Variants in MR1 observed in about 807,000 individuals in gnomAD.
MR1 encodes the protein major histocompatibility complex, class I-related.
A neutral mutation model predicts 37.8 loss-of-function variants in MR1; 44 were observed. That is an observed-to-expected ratio of 1.16 (90% CI 0.91 to 1.50). The LOEUF (loss-of-function observed/expected upper bound fraction) is 1.50, where lower values mean the gene tolerates loss of function less well. Among genes scored for constraint, MR1 ranks in the 40% most tolerant of loss-of-function variants. The probability of loss-of-function intolerance (pLI) is 0.00; values close to 1 mark genes in which losing one functional copy is unlikely to be tolerated. For synonymous variants in MR1, 153 were observed against 155.8 expected (o/e 0.98, Z 0.13); for missense variants, 386 against 419.1 (o/e 0.92, Z 0.69).
rs1658841167 is a variant in MR1, at chr1:181,060,285, A to C, written c.*5020A>C. The C allele has an allele frequency of 6.6e-6, 1 of 151,806 alleles. No individual in the cohort carries two copies. The highest frequency in any genetic ancestry group is 1.5e-5 in the Non-Finnish European group (1 of 67,966). 9.4% of individuals were successfully genotyped at this position (151,806 alleles called of 1,614,324 possible). On this transcript the variant is annotated 3_prime_UTR_variant, in exon 6 of 6. Coordinates refer to ENST00000367580, the MANE Select transcript of MR1 (RefSeq NM_001385161.1). Reference sequence around the variant, plus strand: ...GGACCCACTCTACTACTGCAGGATGACCTCACCTTCCCAAATTACATCTGC... The same window carrying C: ...GGACCCACTCTACTACTGCAGGATGCCCTCACCTTCCCAAATTACATCTGC...
chr1:181,052,561 G>A (rs1203949634), intron 4 of MR1, 51 bp downstream of exon 4: 6 of 1,581,434 alleles, frequency 3.8e-6, no homozygotes, highest in Admixed American at 3.4e-5. Context: ...AGAAAGGGGT[G>A]AGCAGGAAAC....
chr1:181,049,645 C>T, intron 2 of MR1: 1 of 491,608 alleles, frequency 2.0e-6, no homozygotes, highest in East Asian at 3.5e-5. Flanking sequence ...GGTAGTCAGG[C>T]CTAGTGACTT....
intron 3 of MR1, chr1:181,051,063 C>T (rs1421316250): frequency 1.3e-5 from 2 of 151,868 alleles, no homozygotes; most frequent in African/African-American, 4.8e-5. Context: ...AGTTGGTCAA[C>T]TTTTAGTTCA....
Position 181,059,210 on chromosome 1 carries a change from C to T in MR1, c.*3945C>T, listed in dbSNP as rs1658788009. The T allele has an allele frequency of 6.6e-6, 1 of 152,018 alleles. No individual in the cohort carries two copies. Among genetic ancestry groups the T allele is most frequent in the African/African-American group, 2.4e-5 (1 of 41,370 alleles). The allele number at this position is 152,018 out of a possible 1,614,324, so 9.4% of individuals were successfully genotyped here. ...GCTTCAGGACATTCAGTACATTGTG[C>T]TTTTTAGAGGTTGATGATTCCACTG... On this transcript the variant is annotated 3_prime_UTR_variant, in exon 6 of 6. Transcript: ENST00000367580.
rs1206526662 is a variant in MR1, at chr1:181,055,413, A to G, written c.*148A>G. Reference sequence around the variant, plus strand: ...GATTGAGCATTTATGGCAGCAACAGAGGAGCCACAAAATGTTCTTTGTTCT... The same window carrying G: ...GATTGAGCATTTATGGCAGCAACAGGGGAGCCACAAAATGTTCTTTGTTCT... On this transcript the variant is annotated 3_prime_UTR_variant, in exon 6 of 6. Coordinates refer to ENST00000367580, the MANE Select transcript of MR1 (RefSeq NM_001385161.1). 1 of 680,240 alleles carries G rather than the reference A, an allele frequency of 1.5e-6. No homozygotes were observed. 42.1% of individuals were successfully genotyped at this position (680,240 alleles called of 1,614,324 possible). A position where few individuals can be genotyped will look rare whatever the true frequency, so the allele number is the denominator to read the frequency against.
intron 3 of MR1, chr1:181,051,192 C>T (rs1257763182): frequency 2.0e-5 from 3 of 151,522 alleles, no homozygotes; most frequent in Non-Finnish European, 4.4e-5. Context: ...CTCTCCAGGC[C>T]TCTGTCTACA....
intron 1 of MR1, among the ~76,000 whole-genome samples, chr1:181,034,483 C>CTCG (rs367955122): frequency 2.0e-5 from 3 of 151,800 alleles, no homozygotes; most frequent in African/African-American, 7.3e-5. Flanking sequence ...TATGTTTTTC[C>CTCG]TCAACACAAG....
intron 1 of MR1, among the ~76,000 whole-genome samples, chr1:181,047,866 C>T (rs1005206420): frequency 2.5e-4 from 38 of 152,164 alleles, no homozygotes; most frequent in African/African-American, 8.7e-4. Flanking sequence ...TGCCACTGCA[C>T]TCCAGCCTGG....
chr1:181,036,472 T>C (rs1301562101), intron 1 of MR1, among the ~76,000 whole-genome samples: 1 of 152,196 alleles, frequency 6.6e-6, no homozygotes, highest in Non-Finnish European at 1.5e-5. Context: ...GAAGACTCAG[T>C]CTACTTGATA....
intron 1 of MR1, among the ~76,000 whole-genome samples, chr1:181,040,955 G>A (rs926766905): frequency 9.2e-5 from 14 of 152,012 alleles, no homozygotes; most frequent in East Asian, 5.8e-4. Context: ...AGTGGCAGGC[G>A]CCTGTAATCT....
At chr1:181,048,872 T>A (rs201459506) in intron 1 of MR1, among the ~76,000 whole-genome samples, 180 bp from the exon 2 acceptor site, 153 of 152,322 alleles carry the variant, frequency 1.0e-3, no homozygotes, top group East Asian at 2.3e-3. Context: ...CTGGAGCTCT[T>A]ACGTCCTGTC....
Position 181,059,564 on chromosome 1 carries a change from A to G in MR1, c.*4299A>G, listed in dbSNP as rs1373647012. On this transcript the variant is annotated 3_prime_UTR_variant, in exon 6 of 6. Coordinates refer to ENST00000367580, the MANE Select transcript of MR1 (RefSeq NM_001385161.1). ...CAGGGGTGGTGGCCAGGCATCAGCT[A>G]CATCTCCTCCATGTAGTCTCAGGAA... 6.6e-6 allele frequency: 1 copy of G among 152,526 alleles called. No individual in the cohort carries two copies. Among genetic ancestry groups the G allele is most frequent in the African/African-American group, 2.4e-5 (1 of 41,468 alleles). 9.4% of individuals were successfully genotyped at this position (152,526 alleles called of 1,614,324 possible).
intron 1 of MR1, among the ~76,000 whole-genome samples, chr1:181,039,110 G>A (rs1226015182): frequency 6.6e-6 from 1 of 152,202 alleles, no homozygotes. Flanking sequence ...CGGCCTCTCT[G>A]CACCTATTTT....
chr1:181,037,200 C>T (rs146824426), intron 1 of MR1: 4 of 152,238 alleles, frequency 2.6e-5, no homozygotes, highest in South Asian at 2.1e-4. Flanking sequence ...CCTTCACAGG[C>T]GAGGTCTGAT....
At chr1:181,038,531 C>CA (rs750865736) in intron 1 of MR1, among the ~76,000 whole-genome samples, 2 of 152,238 alleles carry the variant, frequency 1.3e-5, no homozygotes, top group Non-Finnish European at 2.9e-5. Context: ...AATCAGGACT[C>CA]ACGGCCACCT....
At chr1:181,050,402 T>C in intron 3 of MR1, 116 bp downstream of exon 3, 1 of 1,338,476 alleles carries the variant, frequency 7.5e-7, no homozygotes, top group Non-Finnish European at 1.0e-6. Context: ...TTAGTTGGCC[T>C]ATTGTGATCT....
At chr1:181,043,204 C>A (rs893414208) in intron 1 of MR1, among the ~76,000 whole-genome samples, 2 of 152,170 alleles carry the variant, frequency 1.3e-5, no homozygotes, top group East Asian at 3.9e-4. Context: ...CCTCACCCAC[C>A]ACAGGAAGGG....
chr1:181,038,953 G>A (rs996385843), intron 1 of MR1, among the ~76,000 whole-genome samples: 3 of 152,098 alleles, frequency 2.0e-5, no homozygotes, highest in Non-Finnish European at 2.9e-5. Context: ...ACAGGCATGC[G>A]CCACCACACC....
chr1:181,044,294 TGAG>T (rs1657738237), intron 1 of MR1, among the ~76,000 whole-genome samples: 1 of 152,216 alleles, frequency 6.6e-6, no homozygotes, highest in Admixed American at 6.5e-5. Flanking sequence ...TGCTTATAAA[TGAG>T]GAGGAAGGAA....
Sources: allele counts gnomAD v4.1 joint callset (sites outside exome capture counted in the v4.1 genomes callset), GRCh38; gene constraint gnomAD v4.1.1; transcripts MANE v1.5; gene names NCBI Gene and HGNC (gene_info 2026-07-23, HGNC 2026-07-21).